The following OPRD1 variants were observed in gnomAD, a reference collection of about 807,000 sequenced individuals.
OPRD1 encodes delta-type opioid receptor.
OPRD1 carries 19 observed loss-of-function variants against 17.5 expected under a neutral mutation model. The observed-to-expected ratio is 1.09, with a 90% CI of 0.76 to 1.60. The LOEUF (loss-of-function observed/expected upper bound fraction) is 1.60. Ranked by LOEUF, OPRD1 falls within the 40% of genes most tolerant of loss-of-function variation. The pLI is 0.00. For missense variants in OPRD1, 483 were observed against 547.2 expected (o/e 0.88, Z 1.17); for synonymous variants, 256 against 240.9 (o/e 1.06, Z -0.58).
intron 1 of OPRD1, among the ~76,000 whole-genome samples, chr1:28,823,616 G>A (rs1323939930): frequency 1.3e-5 from 2 of 151,882 alleles, no homozygotes; most frequent in Non-Finnish European, 2.9e-5. Context: ...GGCTGGTCTC[G>A]AGCTCCAGAC....
rs1311810026 is a variant in OPRD1, at chr1:28,866,778, T to C, written c.*3495T>C. On this transcript the variant is annotated 3_prime_UTR_variant, in exon 3 of 3. Coordinates refer to ENST00000234961, the MANE Select transcript of OPRD1 (RefSeq NM_000911.4). ...GCAATTTTCCATGAACTTTTGTTCC[T>C]CCTGAAGCTCTCCAAATCTTCACGT... The C allele has an allele frequency of 6.6e-6, 1 of 152,224 alleles. No homozygotes were observed. The highest frequency in any genetic ancestry group is 2.4e-5 in the African/African-American group (1 of 41,450). The allele number at this position is 152,224 out of a possible 1,614,324, so 9.4% of individuals were successfully genotyped here.
chr1:28,839,928 A>T (rs755693166), intron 1 of OPRD1, among the ~76,000 whole-genome samples: 41 of 152,076 alleles, frequency 2.7e-4, no homozygotes, highest in African/African-American at 7.2e-4. Context: ...GGAAGGGAGG[A>T]TGAGGAAGAG....
intron 1 of OPRD1, among the ~76,000 whole-genome samples, chr1:28,858,365 C>T (rs1378162743): frequency 4.6e-5 from 7 of 151,704 alleles, no homozygotes; most frequent in Non-Finnish European, 7.4e-5. Flanking sequence ...CCGCCCGCCT[C>T]GGCCTCCCAA....
intron 1 of OPRD1, among the ~76,000 whole-genome samples, chr1:28,825,632 C>T (rs1300010495): frequency 2.6e-5 from 4 of 152,222 alleles, no homozygotes; most frequent in Admixed American, 2.6e-4. Flanking sequence ...GATCCGCCTG[C>T]CTCAGCCTCC....
At chr1:28,839,885 G>A (rs995098557) in intron 1 of OPRD1, among the ~76,000 whole-genome samples, 6 of 152,214 alleles carry the variant, frequency 3.9e-5, no homozygotes, top group Non-Finnish European at 8.8e-5. Flanking sequence ...GGAAGGGAGG[G>A]AGGGAAGAAG....
intron 2 of OPRD1, among the ~76,000 whole-genome samples, chr1:28,859,984 G>A (rs1021513405): frequency 1.3e-5 from 2 of 152,210 alleles, no homozygotes; most frequent in African/African-American, 4.8e-5. Context: ...CAGGGACCCA[G>A]CCTCCTGTTG....
rs1569660127 is a variant in OPRD1 at position 28,862,779 on chromosome 1, C to T, written c.615C>T (p.Pro205=). Residue 205 remains proline (P), a synonymous_variant, in exon 3 of 3, where the codon CCC becomes CCT. Coordinates refer to ENST00000234961, the MANE Select transcript of OPRD1 (RefSeq NM_000911.4). ...AVVCMLQFPS[P]SWYWDTVTKI... Reference sequence around the variant, plus strand: ...TGTGCATGCTCCAGTTCCCCAGCCCCAGCTGGTACTGGGACACGGTGACCA... The same window carrying T: ...TGTGCATGCTCCAGTTCCCCAGCCCTAGCTGGTACTGGGACACGGTGACCA... The T allele has an allele frequency of 6.2e-7, 1 of 1,613,086 alleles. No individual in the cohort carries two copies. Among genetic ancestry groups the T allele is most frequent in the Non-Finnish European group, 8.5e-7 (1 of 1,179,524 alleles).
At chr1:28,826,567 A>G (rs1408022865) in intron 1 of OPRD1, among the ~76,000 whole-genome samples, 3 of 152,214 alleles carry the variant, frequency 2.0e-5, no homozygotes, top group Non-Finnish European at 4.4e-5. Flanking sequence ...TAAGTGTGTC[A>G]TAGTATTATG....
chr1:28,862,118 C>T (rs76006411), intron 2 of OPRD1, among the ~76,000 whole-genome samples: 39,980 of 151,146 alleles, frequency 0.26, 6,735 homozygotes, highest in Admixed American at 0.37. Flanking sequence ...GGGGTTTTAC[C>T]GTGTTAGCCA....
At chr1:28,847,234 T>C (rs2088962132) in intron 1 of OPRD1, among the ~76,000 whole-genome samples, 1 of 152,104 alleles carries the variant, frequency 6.6e-6, no homozygotes, top group South Asian at 2.1e-4. Flanking sequence ...ATGTTTTTAA[T>C]AGAGATGGGG....
At chr1:28,821,424 A>G (rs185048677) in intron 1 of OPRD1, among the ~76,000 whole-genome samples, 1 of 151,810 alleles carries the variant, frequency 6.6e-6, no homozygotes, top group East Asian at 1.9e-4. Flanking sequence ...TATTTTTGAG[A>G]TGGGGATCTC....
Position 28,812,348 on chromosome 1 carries a change from C to T in OPRD1, c.-36C>T, listed in dbSNP as rs532626025. The stretch of plus-strand genomic sequence containing the variant: ...GTCGGATCCCCGCGCCCAGGGCGCA[C>T]GGTGGAGAGGGACGCGGCGGAGCCG... On this transcript the variant is annotated 5_prime_UTR_variant, in exon 1 of 3. In the 5' UTR this introduces an upstream ATG that the reference lacks. Coordinates refer to ENST00000234961, the MANE Select transcript of OPRD1 (RefSeq NM_000911.4). 29 of 1,280,456 alleles carry T rather than the reference C, an allele frequency of 2.3e-5. No homozygotes were observed. The highest frequency in any genetic ancestry group is 3.0e-4 in the Middle Eastern group (1 of 3,356). The allele number at this position is 1,280,456 out of a possible 1,614,324, so 79.3% of individuals were successfully genotyped here. A position where few individuals can be genotyped will look rare whatever the true frequency, so the allele number is the denominator to read the frequency against.
intron 1 of OPRD1, among the ~76,000 whole-genome samples, chr1:28,842,967 G>A (rs631398): frequency 0.85 from 126,335 of 148,956 alleles, 53,789 homozygotes; most frequent in East Asian, 1. Flanking sequence ...AGCTACTTGG[G>A]AAAAAAAAAA....
chr1:28,866,056 A>G lies in OPRD1; in HGVS notation c.*2773A>G, dbSNP rs2089173475. The stretch of plus-strand genomic sequence containing the variant: ...GGTCCGGACCACGTGTGTTTAAGGT[A>G]GTGCAAACTTGTATTGAAATCTACT... On this transcript the variant is annotated 3_prime_UTR_variant, in exon 3 of 3. Transcript: ENST00000234961. 1 of 152,226 alleles carries G rather than the reference A, an allele frequency of 6.6e-6. No homozygotes were observed. The highest frequency in any genetic ancestry group is 1.5e-5 in the Non-Finnish European group (1 of 68,050). The allele number at this position is 152,226 out of a possible 1,614,324, so 9.4% of individuals were successfully genotyped here. A position where few individuals can be genotyped will look rare whatever the true frequency, so the allele number is the denominator to read the frequency against.
chr1:28,821,529 C>T (rs2088712329), intron 1 of OPRD1, among the ~76,000 whole-genome samples: 2 of 152,176 alleles, frequency 1.3e-5, no homozygotes, highest in South Asian at 4.1e-4. Flanking sequence ...TGAGCCGACA[C>T]ACCCAGCTTT....
At position 28,814,449 on chromosome 1, in the gene OPRD1, G is replaced by A. The variant is rs561887275; in HGVS notation, c.227+1839G>A. Among the ~76,000 whole-genome samples the A allele has an allele frequency of 2.6e-5, 4 of 152,326 alleles. No homozygotes were observed. In the South Asian group the frequency reaches 8.3e-4, roughly 32 times the overall value. ...ATCCTGTAGAATCTGACTAAAGAAG[G>A]GAGCTTGAGGGAGGTGCTTGTCCTA... On this transcript the variant is annotated intron_variant, in intron 1 of 2. Coordinates refer to ENST00000234961, the MANE Select transcript of OPRD1 (RefSeq NM_000911.4).
chr1:28,850,035 A>G (rs1198809487), intron 1 of OPRD1, among the ~76,000 whole-genome samples: 1 of 152,004 alleles, frequency 6.6e-6, no homozygotes, highest in Non-Finnish European at 1.5e-5. Flanking sequence ...GCCCGCCACT[A>G]CGTCTGGCTA....
chr1:28,812,266 G>T lies in OPRD1; in HGVS notation c.-118G>T. 1.7e-6 allele frequency: 1 copy of T among 572,466 alleles called. No homozygotes were observed. Among genetic ancestry groups the T allele is most frequent in the Middle Eastern group, 6.4e-4 (1 of 1,574 alleles). 35.5% of individuals were successfully genotyped at this position (572,466 alleles called of 1,614,324 possible). A position where few individuals can be genotyped will look rare whatever the true frequency, so the allele number is the denominator to read the frequency against. On this transcript the variant is annotated 5_prime_UTR_variant, in exon 1 of 3. Transcript: ENST00000234961. ...GAGGCGCAGAGACAGCGGGGCGGCC[G>T]GGGCGCGGCAGCCGGCGGCGTCGGG...
chr1:28,859,302 G>A lies in OPRD1; in HGVS notation c.576G>A (p.Arg192=), dbSNP rs1226200249. 6.2e-7 allele frequency: 1 copy of A among 1,609,868 alleles called. No homozygotes were observed. The highest frequency in any genetic ancestry group is 8.5e-7 in the Non-Finnish European group (1 of 1,177,704). The change falls in exon 2 of 3, where the codon CGG becomes CGA. Residue 192 remains arginine, a splice_region_variant and synonymous_variant. Coordinates refer to ENST00000234961, the MANE Select transcript of OPRD1 (RefSeq NM_000911.4). ...TGGTCATGGCTGTGACCCGTCCCCG[G>A]GGTGAGTGAGTGAGTGCACCATGGC... ...PIMVMAVTRP[R]DGAVVCMLQF... is the part of the protein sequence containing the mutation.
Sources: gnomAD v4.1 joint callset for allele counts (sites outside exome capture counted in the v4.1 genomes callset) on GRCh38, gnomAD v4.1.1 for gene constraint, MANE v1.5 for transcripts, NCBI Gene and HGNC (gene_info 2026-07-23, HGNC 2026-07-21) for gene names.